TDRD1: variants seen among roughly 807,000 people sequenced by gnomAD.
TDRD1 encodes the protein tudor domain-containing protein 1.
In TDRD1, 37 loss-of-function variants were observed where a neutral mutation model predicts 140.6. The observed-to-expected ratio is 0.26, with a 90% CI of 0.20 to 0.35. TDRD1 has a LOEUF of 0.35. Ranked by LOEUF, TDRD1 falls within the 10% of genes least tolerant of loss-of-function variation. TDRD1 has a pLI of 1.00. For synonymous variants in TDRD1, 506 were observed against 475.7 expected (o/e 1.06, Z -0.83); for missense variants, 1,243 against 1,393.0 (o/e 0.89, Z 1.71).
rs73357573 is a variant in TDRD1 at position 114,215,338 on chromosome 10, A to G, written c.2212+1224A>G. Among the ~76,000 whole-genome samples, 138 of 152,206 alleles carry G rather than the reference A, an allele frequency of 9.1e-4. 1 individual carries two copies. The highest frequency in any genetic ancestry group is 3.2e-3 in the African/African-American group (134 of 41,528). ...ACTTGGCCTGTTTTGCTTGGGCTGT[A>G]AATTAGTGTTGCTGTGAACATTACA... On this transcript the variant is annotated intron_variant, in intron 16 of 25. Coordinates refer to ENST00000251864, the Ensembl canonical transcript of TDRD1.
chr10:114,186,466 G>T (rs564413560), intron 1 of TDRD1, among the ~76,000 whole-genome samples: 1 of 151,636 alleles, frequency 6.6e-6, no homozygotes, highest in Admixed American at 6.6e-5. Flanking sequence ...GGGTTTCACC[G>T]TGTTAGCCAA....
chr10:114,201,274 A>G (rs1183270435), intron 4 of TDRD1, 136 bp from the exon 5 acceptor site: 1 of 666,984 alleles, frequency 1.5e-6, no homozygotes, highest in Middle Eastern at 3.4e-4. Flanking sequence ...CTCAGAGTTT[A>G]AAAGTATAAT....
At chr10:114,228,876 G>C (rs2036591570) in intron 25 of TDRD1, 6 of 699,486 alleles carry the variant, frequency 8.6e-6, no homozygotes, top group African/African-American at 1.9e-5. Flanking sequence ...CTGAGCCCAG[G>C]CGTTCGAAGT....
chr10:114,224,321 G>GT (rs1250237084), intron 21 of TDRD1, among the ~76,000 whole-genome samples: 1 of 152,134 alleles, frequency 6.6e-6, no homozygotes, highest in Non-Finnish European at 1.5e-5. Flanking sequence ...AACTTTGTAT[G>GT]TTTTTTCCGC....
exon 15 of TDRD1, chr10:114,213,489 C>T (rs759291710): frequency 7.4e-6 from 12 of 1,613,796 alleles, no homozygotes; most frequent in Non-Finnish European, 1.0e-5. Context: ...ATCCGAGACG[C>T]CTCATGTCAG....
upstream of TDRD1, among the ~76,000 whole-genome samples, chr10:114,177,488 C>T (rs561631210): frequency 6.6e-6 from 1 of 152,230 alleles, no homozygotes; most frequent in African/African-American, 2.4e-5. Flanking sequence ...AGACAAATTC[C>T]AAAAGTAGGG....
chr10:114,177,834 C>CTTT (rs34189756), upstream of TDRD1, among the ~76,000 whole-genome samples: 4 of 131,120 alleles, frequency 3.1e-5, no homozygotes, highest in East Asian at 4.2e-4. Context: ...CTTTCTTTTT[C>CTTT]TTTTTTTTTT....
intron 18 of TDRD1, among the ~76,000 whole-genome samples, chr10:114,219,990 G>T (rs2036044669): frequency 6.6e-6 from 1 of 152,122 alleles, no homozygotes; most frequent in Non-Finnish European, 1.5e-5. Flanking sequence ...AATAACTGCA[G>T]ATTTTCAGCC....
intron 2 of TDRD1, among the ~76,000 whole-genome samples, chr10:114,189,579 A>T (rs973439036): frequency 2.6e-5 from 4 of 152,132 alleles, no homozygotes; most frequent in Non-Finnish European, 5.9e-5. Flanking sequence ...ATGCATGATG[A>T]TATTAACACA....
chr10:114,230,342 G>A (rs1448087952), intron 25 of TDRD1, among the ~76,000 whole-genome samples: 1 of 152,158 alleles, frequency 6.6e-6, no homozygotes, highest in African/African-American at 2.4e-5. Flanking sequence ...TTTCCTGACT[G>A]TGGGAATAAA....
At position 114,210,881 on chromosome 10, in the gene TDRD1, C is replaced by A. The variant is rs753980626; in HGVS notation, c.1574C>A (p.Ala525Glu). 5 of 1,614,010 alleles carry A rather than the reference C, an allele frequency of 3.1e-6. No individual in the cohort carries two copies. The African/African-American group carries it at 6.7e-5, about 22-fold the overall frequency. The change falls in exon 13 of 26, where the codon GCA becomes GAA. Residue 525 changes from alanine to glutamate, a missense_variant. Physicochemically the swap from Ala to Glu is moderately radical, Grantham distance 107. Coordinates refer to ENST00000251864, the Ensembl canonical transcript of TDRD1. ...GCAGGAAAGCTTGCTGAACTTCAGG[C>A]ATCCCTTAGCAAGTACTGTGATCAG...
intron 23 of TDRD1, 124 bp downstream of exon 23, chr10:114,227,423 A>G: frequency 1.3e-6 from 1 of 742,010 alleles, no homozygotes; most frequent in South Asian, 1.8e-5. Flanking sequence ...CCACAAATCC[A>G]GTGGCAGGGT....
intron 4 of TDRD1, 132 bp downstream of exon 4, chr10:114,199,449 G>A (rs1307755308): frequency 9.2e-7 from 1 of 1,089,424 alleles, no homozygotes; most frequent in Non-Finnish European, 1.3e-6. Flanking sequence ...CTCAGCCTCA[G>A]CAGCTGTCAG....
intron 11 of TDRD1, 27 bp downstream of exon 11, chr10:114,206,357 A>C (rs1283691759): frequency 1.3e-6 from 2 of 1,582,848 alleles, no homozygotes; most frequent in East Asian, 4.5e-5. Flanking sequence ...ATTGAACGGT[A>C]TAGCGACTTC....
At chr10:114,208,008 G>A (rs2035238950) in intron 11 of TDRD1, among the ~76,000 whole-genome samples, 1 of 152,102 alleles carries the variant, frequency 6.6e-6, no homozygotes, top group East Asian at 1.9e-4. Flanking sequence ...CCATCTGGAA[G>A]TGATGCCACA....
chr10:114,204,690 T>G (rs2034987919), intron 9 of TDRD1, 32 bp from the exon 10 acceptor site: 1 of 1,568,044 alleles, frequency 6.4e-7, no homozygotes, highest in Non-Finnish European at 8.6e-7. Context: ...TAAATGGTAA[T>G]TTTTGTAAGT....
exon 7 of TDRD1, chr10:114,203,173 A>G: frequency 6.2e-7 from 1 of 1,607,514 alleles, no homozygotes; most frequent in Non-Finnish European, 8.5e-7. Context: ...CCATGGAAAT[A>G]AAGGTATTTG....
At chr10:114,230,445 A>T (rs1005536729) in intron 25 of TDRD1, among the ~76,000 whole-genome samples, 2 of 152,208 alleles carry the variant, frequency 1.3e-5, no homozygotes, top group African/African-American at 4.8e-5. Context: ...CACATACTTA[A>T]TCTTCACAAT....
At chr10:114,215,226 A>G (rs2035739922) in intron 16 of TDRD1, among the ~76,000 whole-genome samples, 1 of 152,070 alleles carries the variant, frequency 6.6e-6, no homozygotes, top group Admixed American at 6.5e-5. Flanking sequence ...ATAGTGTTCC[A>G]TTGTATGTTA....
Sources: allele counts gnomAD v4.1 joint callset (sites outside exome capture counted in the v4.1 genomes callset), GRCh38; gene constraint gnomAD v4.1.1; transcripts MANE v1.5; gene names NCBI Gene and HGNC (gene_info 2026-07-23, HGNC 2026-07-21).